The following HDHD2 variants were observed in gnomAD, a reference collection of about 807,000 sequenced individuals.
HDHD2 encodes haloacid dehalogenase like hydrolase domain containing 2.
A neutral mutation model predicts 24.8 loss-of-function variants in HDHD2; 26 were observed. That is an observed-to-expected ratio of 1.05 (90% confidence interval 0.77 to 1.45). HDHD2 has a LOEUF of 1.45. Among genes scored for constraint, HDHD2 ranks in the 40% most tolerant of loss-of-function variants. The pLI is 0.00. For missense variants in HDHD2, 299 were observed against 313.4 expected (o/e 0.95, Z 0.35); for synonymous variants, 128 against 114.9 (o/e 1.11, Z -0.73).
intron 2 of HDHD2, among the ~76,000 whole-genome samples, chr18:47,135,746 A>G (rs976434519): frequency 1.3e-5 from 2 of 152,214 alleles, no homozygotes; most frequent in Admixed American, 1.3e-4. Flanking sequence ...ACCCAGAAGC[A>G]AACATTCACA....
At chr18:47,138,171 C>CAAAAAAA (rs58644217) in intron 1 of HDHD2, among the ~76,000 whole-genome samples, 1 of 54,888 alleles carries the variant, frequency 1.8e-5, no homozygotes, top group African/African-American at 8.1e-5. Context: ...GATTCTGTCG[C>CAAAAAAA]AAAAAAAAAA....
intron 3 of HDHD2, among the ~76,000 whole-genome samples, chr18:47,133,264 C>T (rs940337926): frequency 2.5e-4 from 38 of 151,634 alleles, no homozygotes; most frequent in Admixed American, 1.3e-4. Context: ...TCTGTCCTTG[C>T]AATAGTTTGC....
intron 1 of HDHD2, among the ~76,000 whole-genome samples, chr18:47,137,772 T>TATAGG (rs1490409222): frequency 6.6e-6 from 1 of 151,644 alleles, no homozygotes; most frequent in Non-Finnish European, 1.5e-5. Flanking sequence ...AGCTGTTACG[T>TATAGG]ATAGGGCAAT....
At chr18:47,147,204 T>C (rs2063880115) in intron 1 of HDHD2, among the ~76,000 whole-genome samples, 2 of 152,192 alleles carry the variant, frequency 1.3e-5, no homozygotes, top group African/African-American at 2.4e-5. Context: ...TCTTTCATAA[T>C]GTATCTGATG....
chr18:47,113,133 C>A (rs911743880), intron 5 of HDHD2, 93 bp from the exon 6 acceptor site: 3 of 960,530 alleles, frequency 3.1e-6, no homozygotes, highest in Admixed American at 1.8e-5. Context: ...GGGTGTCCAA[C>A]TGTAATGCCA....
chr18:47,133,406 T>C lies in HDHD2; in HGVS notation c.310+1090A>G, dbSNP rs562155858. Among the ~76,000 whole-genome samples the C allele has an allele frequency of 1.1e-4, 17 of 151,670 alleles. No individual in the cohort carries two copies. The South Asian group carries it at 3.4e-3, about 30-fold the overall frequency. On this transcript the variant is annotated intron_variant, in intron 3 of 6. Coordinates refer to ENST00000300605, the MANE Select transcript of HDHD2 (RefSeq NM_032124.5). ...AATCCAGTCTATCATTGATGGACAT[T>C]TGGGTTGGTTCCAAGTCTTTGCTAT... is the stretch of plus-strand genomic sequence containing the variant.
At chr18:47,133,683 G>C (rs1009584905) in intron 3 of HDHD2, among the ~76,000 whole-genome samples, 1 of 152,080 alleles carries the variant, frequency 6.6e-6, no homozygotes. Context: ...TAACTGGTGT[G>C]AGATGATATC....
intron 4 of HDHD2, among the ~76,000 whole-genome samples, chr18:47,126,025 T>C (rs999799638): frequency 6.6e-6 from 1 of 152,246 alleles, no homozygotes; most frequent in Non-Finnish European, 1.5e-5. Flanking sequence ...TTCTGTATCC[T>C]ATGATTTTCA....
At chr18:47,113,935 T>C (rs1255342722) in intron 5 of HDHD2, among the ~76,000 whole-genome samples, 2 of 151,960 alleles carry the variant, frequency 1.3e-5, no homozygotes, top group Admixed American at 1.3e-4. Flanking sequence ...ATGTGGACAA[T>C]GAGACGGTGG....
At chr18:47,135,689 T>C (rs770636561) in intron 2 of HDHD2, among the ~76,000 whole-genome samples, 1 of 152,260 alleles carries the variant, frequency 6.6e-6, no homozygotes, top group East Asian at 1.9e-4. Context: ...AGATCCTTAA[T>C]ATATGTTATT....
chr18:47,118,589 G>A (rs1440686411), intron 4 of HDHD2, among the ~76,000 whole-genome samples: 1 of 152,166 alleles, frequency 6.6e-6, no homozygotes, highest in Non-Finnish European at 1.5e-5. Flanking sequence ...TGGGACTGCA[G>A]GGGAGGGAGA....
intron 1 of HDHD2, chr18:47,137,188 G>A: frequency 1.4e-6 from 1 of 690,510 alleles, no homozygotes; most frequent in Non-Finnish European, 2.7e-6. Flanking sequence ...CAATGAGGCA[G>A]ATGAGATTCC....
intron 4 of HDHD2, among the ~76,000 whole-genome samples, chr18:47,126,644 T>G (rs2063661003): frequency 6.6e-6 from 1 of 152,160 alleles, no homozygotes; most frequent in Admixed American, 6.6e-5. Context: ...CCATTTCTCT[T>G]CAGGTATAAC....
In HDHD2 at chr18:47,108,131, A is replaced by C. The variant is rs1465613388; in HGVS notation, c.*551T>G. On this transcript the variant is annotated 3_prime_UTR_variant, in exon 7 of 7. Transcript: ENST00000300605. ...GTGCTGGGAATACAGTAGAAAATTTAGTTTTCAACATCTGTTAAAGCAAAT... is the reference window on the plus strand; with the variant it reads ...GTGCTGGGAATACAGTAGAAAATTTCGTTTTCAACATCTGTTAAAGCAAAT... The C allele has an allele frequency of 1.3e-5, 2 of 152,688 alleles. No homozygotes were observed. The highest frequency in any genetic ancestry group is 4.8e-5 in the African/African-American group (2 of 41,462). The allele number at this position is 152,688 out of a possible 1,614,324, so 9.5% of individuals were successfully genotyped here.
chr18:47,137,283 A>T (rs959494887), intron 1 of HDHD2: 1 of 485,104 alleles, frequency 2.1e-6, no homozygotes, highest in Non-Finnish European at 3.9e-6. Context: ...GTGTTCCAGT[A>T]GCAGACGAGG....
rs1441987634 is a variant in HDHD2, at chr18:47,110,261, A to G, written c.677-1476T>C. 5 of 985,294 alleles carry G rather than the reference A, an allele frequency of 5.1e-6. No individual in the cohort carries two copies. The South Asian group carries it at 1.4e-4, about 28-fold the overall frequency. 61.0% of individuals were successfully genotyped at this position (985,294 alleles called of 1,614,324 possible). ...CGCTTCCTGTCTTATCTTACTGATT[A>G]TAACTTCTTACAGGAAGGGAGCCAG... On this transcript the variant is annotated intron_variant, in intron 6 of 6. Coordinates refer to ENST00000300605, the MANE Select transcript of HDHD2 (RefSeq NM_032124.5).
chr18:47,143,791 A>C (rs967090908), intron 1 of HDHD2, among the ~76,000 whole-genome samples: 1 of 152,310 alleles, frequency 6.6e-6, no homozygotes, highest in African/African-American at 2.4e-5. Context: ...CCATCTTTAA[A>C]GCATACAAAT....
chr18:47,145,545 G>C (rs2063860930), intron 1 of HDHD2, among the ~76,000 whole-genome samples: 1 of 152,112 alleles, frequency 6.6e-6, no homozygotes, highest in Non-Finnish European at 1.5e-5. Flanking sequence ...TCAATAATAT[G>C]GTGTTGGAAC....
intron 1 of HDHD2, among the ~76,000 whole-genome samples, chr18:47,147,449 G>C (rs1382883794): frequency 6.6e-6 from 1 of 152,112 alleles, no homozygotes; most frequent in Non-Finnish European, 1.5e-5. Context: ...ATTCCATTTG[G>C]ATGTGTAATA....
Sources: allele counts gnomAD v4.1 joint callset (sites outside exome capture counted in the v4.1 genomes callset), GRCh38; gene constraint gnomAD v4.1.1; transcripts MANE v1.5; gene names NCBI Gene and HGNC (gene_info 2026-07-23, HGNC 2026-07-21).